Variants in CASK observed in about 807,000 individuals in gnomAD.
CASK encodes the protein calcium/calmodulin dependent serine protein kinase.
A neutral mutation model predicts 82.9 loss-of-function variants in CASK; 4 were observed. That is an observed-to-expected ratio of 0.05 (90% CI 0.02 to 0.11). The LOEUF (loss-of-function observed/expected upper bound fraction) is 0.11. CASK is among the 10% of genes least tolerant of loss of function. CASK has a pLI of 1.00. For missense variants in CASK, 358 were observed against 720.9 expected, an observed-to-expected ratio of 0.50 and a Z score of 5.76; for synonymous variants, 259 against 253.5, an observed-to-expected ratio of 1.02 and a Z score of -0.20.
chrX:41,872,968 C>G (rs2071731283), intron 1 of CASK, among the ~76,000 whole-genome samples: 1 of 111,006 alleles, frequency 9.0e-6, no homozygotes, highest in African/African-American at 3.3e-5. Flanking sequence ...CTTCCTGTGT[C>G]CTCATATAAT....
At chrX:41,733,642 G>A (rs1200902255) in intron 5 of CASK, among the ~76,000 whole-genome samples, 1 of 108,972 alleles carries the variant, frequency 9.2e-6, no homozygotes, top group Non-Finnish European at 1.9e-5. Flanking sequence ...CCAGCTACTC[G>A]GGAGGCTGAG....
At chrX:41,813,464 C>T (rs1361410552) in intron 2 of CASK, among the ~76,000 whole-genome samples, 1 of 111,107 alleles carries the variant, frequency 9.0e-6, no homozygotes, top group Admixed American at 9.6e-5. Context: ...TGATCTTTGA[C>T]AAACCTGACA....
At position 41,592,011 on chromosome X, in the gene CASK, G is replaced by T. The variant is rs775447325; in HGVS notation, c.1156-2419C>A. Among the ~76,000 whole-genome samples the T allele has an allele frequency of 2.7e-5, 3 of 110,284 alleles. No homozygotes were observed. In the South Asian group the frequency reaches 1.2e-3, roughly 43 times the overall value. On this transcript the variant is annotated intron_variant, in intron 12 of 26. Coordinates refer to ENST00000378163, the MANE Select transcript of CASK (RefSeq NM_001367721.1). ...CACACCTGTAATTCCAGCACTTTGG[G>T]ACGCTGAGGCAGGCAGATTGCTTGA...
chrX:41,890,130 T>A (rs1476756465), intron 1 of CASK, among the ~76,000 whole-genome samples: 2 of 111,103 alleles, frequency 1.8e-5, no homozygotes, highest in African/African-American at 3.3e-5. Flanking sequence ...CTAAAGAGGG[T>A]TCATTGTACT....
intron 25 of CASK, among the ~76,000 whole-genome samples, chrX:41,528,645 A>G (rs185139964): frequency 8.9e-6 from 1 of 112,386 alleles, no homozygotes; most frequent in African/African-American, 3.2e-5. Flanking sequence ...TGCTTGACAT[A>G]TAATAAGGGC....
chrX:41,626,648 G>T lies in CASK; in HGVS notation c.971C>A (p.Pro324His), dbSNP rs767680782. 1 of 1,207,149 alleles carries T rather than the reference G, an allele frequency of 8.3e-7. No individual in the cohort carries two copies. Among genetic ancestry groups the T allele is most frequent in the Non-Finnish European group, 1.1e-6 (1 of 891,064 alleles). The change falls in exon 10 of 27, where the codon CCC becomes CAC. Residue 324 changes from proline (P) to histidine (H), a missense_variant. Physicochemically the swap from Pro to His is moderately conservative, Grantham distance 77 (BLOSUM62 -2). Around this residue, in one of 5 missense-constraint regions of CASK, gnomAD observed 110 missense variants for 218.8 expected, o/e 0.50. Transcript: ENST00000378163. ...SHKFNSFYGD[P>H]PEELPDFSED... ...GGAGAAATCTGGTAACTCTTCAGGG[G>T]GATCCCCATAGAATGAGTTGAATTT...
intron 8 of CASK, among the ~76,000 whole-genome samples, chrX:41,650,458 G>A (rs866335577): frequency 3.4e-4 from 35 of 102,651 alleles, no homozygotes; most frequent in African/African-American, 1.2e-3. Flanking sequence ...GTTTTTTTTT[G>A]TTTTTTTTTG....
intron 14 of CASK, chrX:41,584,120 CG>C (rs2065621495): frequency 8.9e-6 from 1 of 112,437 alleles, no homozygotes; most frequent in East Asian, 2.8e-4. Context: ...TATCTGCAAA[CG>C]GGCAGGTTCC....
At chrX:41,710,972 A>G (rs763727164) in intron 5 of CASK, among the ~76,000 whole-genome samples, 2 of 111,913 alleles carry the variant, frequency 1.8e-5, no homozygotes, top group East Asian at 5.6e-4. Flanking sequence ...CCCCAGGATT[A>G]TGCATCTTTT....
chrX:41,830,496 G>C (rs2070769869), intron 2 of CASK, among the ~76,000 whole-genome samples: 1 of 111,450 alleles, frequency 9.0e-6, no homozygotes, highest in Non-Finnish European at 1.9e-5. Context: ...CAATAAAGTA[G>C]TTTGGATAAA....
intron 11 of CASK, among the ~76,000 whole-genome samples, chrX:41,611,952 C>T (rs1414272968): frequency 1.8e-5 from 2 of 111,976 alleles, no homozygotes; most frequent in Non-Finnish European, 3.8e-5. Context: ...CCGCCAGCCT[C>T]GGCCTCCCGA....
intron 22 of CASK, among the ~76,000 whole-genome samples, chrX:41,537,295 A>G (rs976195171): frequency 1.8e-5 from 2 of 112,101 alleles, no homozygotes; most frequent in East Asian, 5.5e-4. Context: ...TAGGGTTGAG[A>G]AACAATAAAA....
At chrX:41,650,226 T>A (rs1385919151) in intron 8 of CASK, among the ~76,000 whole-genome samples, 1 of 111,871 alleles carries the variant, frequency 8.9e-6, no homozygotes, top group Admixed American at 9.5e-5. Context: ...TCTGTGTTTT[T>A]TAATTGGAGC....
intron 15 of CASK, among the ~76,000 whole-genome samples, chrX:41,574,096 A>G (rs571966147): frequency 1.1e-3 from 119 of 110,722 alleles, no homozygotes; most frequent in South Asian, 1.9e-3. Flanking sequence ...TTAGACATGC[A>G]CTGATCGATA....
chrX:41,534,829 T>TA, intron 23 of CASK, 43 bp from the exon 24 acceptor site: 1 of 1,159,333 alleles, frequency 8.6e-7, no homozygotes. Flanking sequence ...TGACAACTCT[T>TA]AATAATGTTC....
intron 12 of CASK, among the ~76,000 whole-genome samples, chrX:41,600,688 G>A (rs1435317465): frequency 8.9e-6 from 1 of 112,237 alleles, no homozygotes; most frequent in Non-Finnish European, 1.9e-5. Context: ...AATACTTTCA[G>A]TGGAAATCAC....
rs183180264 is a variant in CASK, at chrX:41,789,622, A to G, written c.173-2339T>C. ...CAGACAACATCAATCACATGCCTGC[A>G]CAGATTTTTCCTCTCCAGGAGTGTT... is the stretch of plus-strand genomic sequence containing the variant. On this transcript the variant is annotated intron_variant, in intron 2 of 26. Coordinates refer to ENST00000378163, the MANE Select transcript of CASK (RefSeq NM_001367721.1). Among the ~76,000 whole-genome samples the G allele has an allele frequency of 1.1e-3, 120 of 112,044 alleles. 1 individual carries two copies. The highest frequency in any genetic ancestry group is 3.8e-3 in the African/African-American group (116 of 30,876).
intron 11 of CASK, among the ~76,000 whole-genome samples, chrX:41,613,711 C>A (rs1245481695): frequency 7.5e-5 from 8 of 106,512 alleles, no homozygotes; most frequent in Non-Finnish European, 1.6e-4. Context: ...CGATAAAAAA[C>A]CAAACAAAAC....
chrX:41,835,293 A>G (rs761333790), intron 2 of CASK, among the ~76,000 whole-genome samples: 5 of 112,030 alleles, frequency 4.5e-5, no homozygotes, highest in African/African-American at 1.6e-4. Flanking sequence ...ACCTCAGGTG[A>G]TCCACTCACC....
Sources: gnomAD v4.1 joint callset for allele counts (sites outside exome capture counted in the v4.1 genomes callset) on GRCh38, gnomAD v4.1.1 for gene constraint, gnomAD v4.1.1 regional missense constraint, MANE v1.5 for transcripts, NCBI Gene and HGNC (gene_info 2026-07-23, HGNC 2026-07-21) for gene names.